INTS4: variants seen among roughly 807,000 people sequenced by gnomAD.
The protein encoded by INTS4 is integrator complex subunit 4, also known as MSTP093.
Under a neutral mutation model 119.5 loss-of-function variants are expected in INTS4, and 70 were observed. The observed-to-expected ratio is 0.59, with a 90% CI of 0.48 to 0.71. INTS4 has a LOEUF of 0.71. Ranked by LOEUF, INTS4 falls within the 30% of genes least tolerant of loss-of-function variation. The probability of loss-of-function intolerance (pLI) is 0.00; values close to 1 mark genes in which losing one functional copy is unlikely to be tolerated. For missense variants in INTS4, 867 were observed against 1,173.2 expected (o/e 0.74, Z 3.81); for synonymous variants, 316 against 419.6 (o/e 0.75, Z 3.02).
At chr11:77,954,059 G>T (rs12789017) in intron 8 of INTS4, among the ~76,000 whole-genome samples, 1 of 152,082 alleles carries the variant, frequency 6.6e-6, no homozygotes, top group African/African-American at 2.4e-5. Flanking sequence ...TGATCCGCCC[G>T]CCTTGGCCTC....
At chr11:77,879,974 C>G (rs188685909) in intron 22 of INTS4, among the ~76,000 whole-genome samples, 1 of 152,240 alleles carries the variant, frequency 6.6e-6, no homozygotes, top group East Asian at 1.9e-4. Flanking sequence ...CAGAGACTCC[C>G]CAGATGCACA....
At chr11:77,905,251 G>T (rs1952910409) in intron 16 of INTS4, among the ~76,000 whole-genome samples, 1 of 152,082 alleles carries the variant, frequency 6.6e-6, no homozygotes, top group Admixed American at 6.5e-5. Context: ...GAGGTCAGGA[G>T]ATGGAGACCA....
chr11:77,912,789 CTT>C (rs1278969828), intron 15 of INTS4, among the ~76,000 whole-genome samples: 1 of 152,148 alleles, frequency 6.6e-6, no homozygotes, highest in Non-Finnish European at 1.5e-5. Context: ...TATTTCTACT[CTT>C]TAATTACGAG....
intron 10 of INTS4, among the ~76,000 whole-genome samples, chr11:77,929,084 ACACCAAAGT>A (rs1298663217): frequency 6.6e-6 from 1 of 151,910 alleles, no homozygotes; most frequent in African/African-American, 2.4e-5. Context: ...GCAGTGCCAT[ACACCAAAGT>A]CCCAGCTACT....
Position 77,928,469 on chromosome 11 carries a change from A to C in INTS4, c.1244T>G (p.Phe415Cys), listed in dbSNP as rs1953565213. The C allele has an allele frequency of 3.1e-6, 5 of 1,611,124 alleles. No homozygotes were observed. Among genetic ancestry groups the C allele is most frequent in the Non-Finnish European group, 4.2e-6 (5 of 1,178,266 alleles). Reference sequence around the variant, plus strand: ...TTCATCGTTGAACATGTCAACTAGGAAATCAAGGCACTTCTCAGCAAAAGA... The same window carrying C: ...TTCATCGTTGAACATGTCAACTAGGCAATCAAGGCACTTCTCAGCAAAAGA... ...SPSFAEKCLD[F>C]LVDMFNDEIE... Residue 415 changes from phenylalanine to cysteine, a missense_variant, in exon 11 of 23, where the codon TTC (phenylalanine) becomes TGC (cysteine). This residue lies in a region of INTS4 where 208 missense variants were observed against 306.6 expected (regional missense o/e 0.68). Transcript: ENST00000534064.
At position 77,963,715 on chromosome 11, in the gene INTS4, G is replaced by A. The variant is rs144310897; in HGVS notation, c.472-2577C>T. On this transcript the variant is annotated intron_variant, in intron 4 of 22. Transcript: ENST00000534064. Reference sequence around the variant, plus strand: ...TTTTTTCTTTTGAGATAAGGGTCTCGCTCTGTCACCCAGGCTGGAGTGCAG... The same window carrying A: ...TTTTTTCTTTTGAGATAAGGGTCTCACTCTGTCACCCAGGCTGGAGTGCAG... 4.5e-3 allele frequency among the ~76,000 whole-genome samples: 683 copies of A among 151,842 alleles called. 1 individual carries two copies. Among genetic ancestry groups the A allele is most frequent in the Non-Finnish European group, 7.7e-3 (522 of 67,970 alleles).
chr11:77,944,812 G>C (rs11237329), intron 8 of INTS4, among the ~76,000 whole-genome samples: 4 of 152,046 alleles, frequency 2.6e-5, no homozygotes, highest in Middle Eastern at 3.4e-3. Context: ...TGCCCAACAA[G>C]TAAGTATAAT....
intron 11 of INTS4, among the ~76,000 whole-genome samples, chr11:77,927,161 T>C (rs1242107260): frequency 6.6e-6 from 1 of 152,034 alleles, no homozygotes; most frequent in Non-Finnish European, 1.5e-5. Context: ...GACTTCAGCA[T>C]AAAGTTCAAG....
chr11:77,931,739 G>A (rs1295713061), intron 10 of INTS4, among the ~76,000 whole-genome samples: 2 of 152,098 alleles, frequency 1.3e-5, no homozygotes, highest in African/African-American at 4.8e-5. Flanking sequence ...TACCAAAACA[G>A]ATATATAGAC....
At chr11:77,893,777 C>G (rs1184829306) in intron 19 of INTS4, among the ~76,000 whole-genome samples, 1 of 151,942 alleles carries the variant, frequency 6.6e-6, no homozygotes, top group Non-Finnish European at 1.5e-5. Context: ...CCTGTAGTGC[C>G]AACTACTTGG....
At chr11:77,930,695 G>C (rs1234435153) in intron 10 of INTS4, among the ~76,000 whole-genome samples, 1 of 152,184 alleles carries the variant, frequency 6.6e-6, no homozygotes, top group African/African-American at 2.4e-5. Flanking sequence ...GAATGTTGAA[G>C]ATATGTCGGC....
At position 77,991,157 on chromosome 11, in the gene INTS4, G is replaced by A. The variant is rs200792096; in HGVS notation, c.197C>T (p.Ala66Val). 4.7e-5 allele frequency: 76 copies of A among 1,614,082 alleles called. No individual in the cohort carries two copies. Among genetic ancestry groups the A allele is most frequent in the Middle Eastern group, 1.6e-4 (1 of 6,062 alleles). ...CCTGACTACTCCCTCTACGCTTTCC[G>A]CCTCGACAGGCTTCCTGGCAAACTG... ...LLQFARKPVEAESVEGVVRIL... is the reference protein window; with the variant it reads ...LLQFARKPVEVESVEGVVRIL... Residue 66 changes from alanine (A) to valine (V), a missense_variant, in exon 2 of 23, where the codon GCG becomes GTG. By Grantham distance (64) the Ala-to-Val change is moderately conservative. Transcript: ENST00000534064.
Position 77,961,143 on chromosome 11 carries a change from TAAAAAAAAAA to T in INTS4, c.472-15_472-6del. ...ATGAGACGTATCTGTCAGATGCTATTAAAAAAAAAAAAAAAAAGAAAAAAAGAAAAAGAAA... is the reference window on the plus strand; with the variant it reads ...ATGAGACGTATCTGTCAGATGCTATTAAAAAAAGAAAAAAAGAAAAAGAAA... On this transcript the variant is annotated splice_region_variant and splice_polypyrimidine_tract_variant and intron_variant, in intron 4 of 22. Coordinates refer to ENST00000534064, the MANE Select transcript of INTS4 (RefSeq NM_033547.4). The T allele has an allele frequency of 2.5e-6, 3 of 1,214,414 alleles. No individual in the cohort carries two copies. The East Asian group carries it at 9.4e-5, about 38-fold the overall frequency. 75.2% of individuals were successfully genotyped at this position (1,214,414 alleles called of 1,614,324 possible). A position where few individuals can be genotyped will look rare whatever the true frequency, so the allele number is the denominator to read the frequency against.
rs765078983 is a variant in INTS4 at position 77,903,635 on chromosome 11, C to T, written c.2017-15G>A. On this transcript the variant is annotated splice_polypyrimidine_tract_variant and intron_variant, in intron 16 of 22. Transcript: ENST00000534064. ...TCCTGCAAGGCCTACGCAGACAAAT[C>T]AGGAGGGAACAGAATACCGAGGTCA... 6.2e-7 allele frequency: 1 copy of T among 1,603,746 alleles called. No individual in the cohort carries two copies. Among genetic ancestry groups the T allele is most frequent in the Non-Finnish European group, 8.5e-7 (1 of 1,172,630 alleles).
chr11:77,921,536 T>G, intron 13 of INTS4, 63 bp from the exon 14 acceptor site: 2 of 1,051,412 alleles, frequency 1.9e-6, no homozygotes, highest in Non-Finnish European at 2.9e-6. Flanking sequence ...TCTGGCACTC[T>G]CACTTTCCAC....
At position 77,901,492 on chromosome 11, in the gene INTS4, C is replaced by T. The variant is rs1411293284; in HGVS notation, c.2157G>A (p.Val719=). The T allele has an allele frequency of 4.3e-6, 7 of 1,611,846 alleles. No homozygotes were observed. The highest frequency in any genetic ancestry group is 5.9e-6 in the Non-Finnish European group (7 of 1,177,960). The stretch of plus-strand genomic sequence containing the variant: ...GCAGCCTCATGTGATGTATAATCAC[C>T]ACCTGCTTATTCTCCACACCACTGT... The part of the protein sequence containing the change: ...FMYSGVENKQ[V]VIIHHMRLQA... The change falls in exon 18 of 23, where the codon GTG becomes GTA. Residue 719 remains valine, a synonymous_variant. Coordinates refer to ENST00000534064, the MANE Select transcript of INTS4 (RefSeq NM_033547.4).
chr11:77,886,192 A>C (rs1259131260), intron 21 of INTS4, among the ~76,000 whole-genome samples: 3 of 152,112 alleles, frequency 2.0e-5, no homozygotes, highest in African/African-American at 7.2e-5. Flanking sequence ...CAACAGACAG[A>C]GACCTTGTCT....
chr11:77,891,568 C>T, intron 20 of INTS4, 106 bp from the exon 21 acceptor site: 1 of 1,563,604 alleles, frequency 6.4e-7, no homozygotes, highest in Non-Finnish European at 8.7e-7. Context: ...ATGTGGGAGC[C>T]ACTCAGAGGA....
At chr11:77,960,833 C>T in intron 5 of INTS4, 120 bp downstream of exon 5, 1 of 924,792 alleles carries the variant, frequency 1.1e-6, no homozygotes, top group Non-Finnish European at 1.6e-6. Flanking sequence ...GAGGCCACCA[C>T]CAATACCCTC....
Sources: gnomAD v4.1 joint callset for allele counts (sites outside exome capture counted in the v4.1 genomes callset) on GRCh38, gnomAD v4.1.1 for gene constraint, gnomAD v4.1.1 regional missense constraint, MANE v1.5 for transcripts, NCBI Gene and HGNC (gene_info 2026-07-23, HGNC 2026-07-21) for gene names.